The following EEA1 variants were observed in gnomAD, a reference collection of about 807,000 sequenced individuals.
EEA1 encodes the protein early endosome antigen 1.
Under a neutral mutation model 209.2 loss-of-function variants are expected in EEA1, and 111 were observed. That is an observed-to-expected ratio of 0.53 (90% CI 0.45 to 0.62). The LOEUF is 0.62. EEA1 is among the 20% of genes least tolerant of loss of function. The pLI is 0.00. For missense variants in EEA1, 1,343 were observed against 1,530.8 expected (o/e 0.88, Z 2.05); for synonymous variants, 536 against 540.6 (o/e 0.99, Z 0.12).
chr12:92,883,884 G>C (rs1879271990), intron 2 of EEA1: 2 of 1,595,842 alleles, frequency 1.3e-6, no homozygotes, highest in Non-Finnish European at 8.6e-7. Context: ...TTGAGCAATG[G>C]GGAACGCTCA....
At chr12:92,907,007 G>T (rs1343058576) in intron 1 of EEA1, among the ~76,000 whole-genome samples, 1 of 151,926 alleles carries the variant, frequency 6.6e-6, no homozygotes, top group Non-Finnish European at 1.5e-5. Context: ...ATAGACAAAG[G>T]GCTCTCACTA....
intron 21 of EEA1, among the ~76,000 whole-genome samples, chr12:92,788,268 ATT>A (rs377183324): frequency 4.1e-5 from 6 of 146,462 alleles, no homozygotes; most frequent in African/African-American, 1.5e-4. Context: ...AAAGTAATTA[ATT>A]TTTTTTTTTT....
At chr12:92,902,882 T>C (rs1348450621) in intron 1 of EEA1, among the ~76,000 whole-genome samples, 2 of 151,784 alleles carry the variant, frequency 1.3e-5, no homozygotes, top group African/African-American at 2.4e-5. Context: ...AAGCAACCTA[T>C]ATGTTCAAAA....
intron 2 of EEA1, among the ~76,000 whole-genome samples, chr12:92,890,498 C>T (rs1479463674): frequency 1.3e-5 from 2 of 152,000 alleles, no homozygotes; most frequent in African/African-American, 2.4e-5. Flanking sequence ...AAAGAAGGTA[C>T]AAAATAACTA....
At chr12:92,778,518 G>A (rs999919569) in intron 25 of EEA1, among the ~76,000 whole-genome samples, 2 of 151,914 alleles carry the variant, frequency 1.3e-5, no homozygotes, top group Non-Finnish European at 2.9e-5. Flanking sequence ...TTCCTTATTC[G>A]TCCCAATTCC....
intron 2 of EEA1, among the ~76,000 whole-genome samples, chr12:92,875,318 C>T (rs1221949192): frequency 3.3e-5 from 5 of 152,226 alleles, no homozygotes; most frequent in African/African-American, 1.2e-4. Context: ...CGCCTGTGGT[C>T]TCAGCTACTC....
intron 23 of EEA1, among the ~76,000 whole-genome samples, chr12:92,781,320 G>T (rs1873895557): frequency 6.6e-6 from 1 of 152,046 alleles, no homozygotes; most frequent in African/African-American, 2.4e-5. Context: ...TAAATTTCAG[G>T]AACTGAACCA....
At position 92,852,872 on chromosome 12, in the gene EEA1, G is replaced by C. The variant is rs767712643; in HGVS notation, c.520+40C>G. 2.8e-6 allele frequency: 4 copies of C among 1,425,098 alleles called. No individual in the cohort carries two copies. In the South Asian group the frequency reaches 4.7e-5, roughly 17 times the overall value. 88.3% of individuals were successfully genotyped at this position (1,425,098 alleles called of 1,614,324 possible). On this transcript the variant is annotated intron_variant, in intron 7 of 28. Coordinates refer to ENST00000322349, the MANE Select transcript of EEA1 (RefSeq NM_003566.4). ...GGGTATATAATGGCAAAAAGGTAAT[G>C]AGATTGATTTATTGGCTAAAAAATT...
At chr12:92,926,154 C>T (rs547631397) in intron 1 of EEA1, among the ~76,000 whole-genome samples, 2 of 152,128 alleles carry the variant, frequency 1.3e-5, no homozygotes, top group East Asian at 1.9e-4. Context: ...CCACCACTCC[C>T]GGCTAATTTT....
intron 14 of EEA1, among the ~76,000 whole-genome samples, chr12:92,817,320 C>T (rs961248712): frequency 4.0e-5 from 6 of 151,642 alleles, no homozygotes; most frequent in Admixed American, 1.3e-4. Context: ...TTTCATTTCA[C>T]GTTATTTTTG....
In EEA1 at chr12:92,802,717, A is replaced by G. The variant is rs1172969185; in HGVS notation, c.2357T>C (p.Leu786Ser). Residue 786 changes from leucine (L) to serine (S), a missense_variant, in exon 19 of 29, where the codon TTG (leucine) becomes TCG (serine). Physicochemically the swap from Leu to Ser is moderately radical, Grantham distance 145. This residue lies in a region of EEA1 where 1,307 missense variants were observed against 1,465.5 expected (regional missense o/e 0.89). Transcript: ENST00000322349. ...GGCTTCAGATTTTTTCTGTAGATCC[A>G]ATCTTGTACTGGATACTCTAAATAT... ...MEKEIVSSTR[L>S]DLQKKSEALE... 6.3e-7 allele frequency: 1 copy of G among 1,590,506 alleles called. No individual in the cohort carries two copies. The highest frequency in any genetic ancestry group is 1.2e-5 in the South Asian group (1 of 84,984).
chr12:92,777,721 T>C, intron 26 of EEA1, 58 bp from the exon 27 acceptor site: 3 of 1,527,702 alleles, frequency 2.0e-6, no homozygotes, highest in Middle Eastern at 3.6e-4. Flanking sequence ...AAGACCCTTC[T>C]AGGGTATAGA....
At chr12:92,792,785 G>A (rs1388097561) in intron 21 of EEA1, among the ~76,000 whole-genome samples, 1 of 152,076 alleles carries the variant, frequency 6.6e-6, no homozygotes, top group Admixed American at 6.5e-5. Context: ...ATTTTATGAG[G>A]CCAACATCAT....
intron 3 of EEA1, among the ~76,000 whole-genome samples, chr12:92,862,478 C>T (rs1249513621): frequency 6.6e-6 from 1 of 151,954 alleles, no homozygotes; most frequent in Non-Finnish European, 1.5e-5. Context: ...TGCCTGTAGT[C>T]CCAGTTACTT....
chr12:92,826,712 C>T (rs1324191882), intron 12 of EEA1, among the ~76,000 whole-genome samples: 3 of 122,780 alleles, frequency 2.4e-5, no homozygotes, highest in Non-Finnish European at 5.3e-5. Flanking sequence ...GAGACTCCGT[C>T]TCAAAAAAAA....
chr12:92,903,490 C>A (rs1375777917), intron 1 of EEA1, among the ~76,000 whole-genome samples: 1 of 150,708 alleles, frequency 6.6e-6, no homozygotes, highest in Non-Finnish European at 1.5e-5. Flanking sequence ...CCCAGCTACT[C>A]GAGAGGCTGA....
chr12:92,819,451 C>G lies in EEA1; in HGVS notation c.1585G>C (p.Glu529Gln), dbSNP rs766022672. The G allele has an allele frequency of 6.2e-7, 1 of 1,611,828 alleles. No individual in the cohort carries two copies. The highest frequency in any genetic ancestry group is 8.5e-7 in the Non-Finnish European group (1 of 1,179,116). The stretch of plus-strand genomic sequence containing the variant: ...TCTTTACTCTTCTGTAATAAAGCTT[C>G]AAGGTTCTGGATCTTTTGGTCCTTA... ...GDKDQKIQNL[E>Q]ALLQKSKENI... Residue 529 changes from glutamate to glutamine, a missense_variant, in exon 14 of 29, where the codon GAA becomes CAA. Physicochemically the swap from Glu to Gln is conservative, Grantham distance 29. This residue lies in a region of EEA1 where 1,307 missense variants were observed against 1,465.5 expected (regional missense o/e 0.89). Transcript: ENST00000322349.
intron 21 of EEA1, among the ~76,000 whole-genome samples, chr12:92,790,720 C>A (rs1238758611): frequency 6.6e-6 from 1 of 152,192 alleles, no homozygotes; most frequent in Non-Finnish European, 1.5e-5. Flanking sequence ...CCCAGGAGAA[C>A]TTCCCGAACC....
intron 12 of EEA1, among the ~76,000 whole-genome samples, chr12:92,826,631 C>T (rs1415964835): frequency 2.0e-5 from 3 of 150,608 alleles, no homozygotes; most frequent in Non-Finnish European, 4.4e-5. Context: ...AGGAGAATCA[C>T]TTGAACCTGA....
Sources: allele counts gnomAD v4.1 joint callset (sites outside exome capture counted in the v4.1 genomes callset), GRCh38; gene constraint gnomAD v4.1.1; regional missense constraint gnomAD v4.1.1; transcripts MANE v1.5; gene names NCBI Gene and HGNC (gene_info 2026-07-23, HGNC 2026-07-21).